Variants in PRKN observed in about 807,000 individuals in gnomAD.
PRKN encodes E3 ubiquitin-protein ligase parkin.
Under a neutral mutation model 59.5 loss-of-function variants are expected in PRKN, and 56 were observed. The ratio of observed to expected loss-of-function variants is 0.94; its 90% CI spans 0.76 to 1.18. The LOEUF is 1.18. PRKN is among the 50% of genes most tolerant of loss of function. The probability of loss-of-function intolerance (pLI) is 0.00; values close to 1 mark genes in which losing one functional copy is unlikely to be tolerated. For missense variants in PRKN, 657 were observed against 596.4 expected, an observed-to-expected ratio of 1.10 and a Z score of -1.06; for synonymous variants, 250 against 222.1, an observed-to-expected ratio of 1.13 and a Z score of -1.12.
At chr6:162,503,016 CTTGTA>C (rs141586531) in intron 1 of PRKN, among the ~76,000 whole-genome samples, 4,578 of 150,574 alleles carry the variant, frequency 0.03, 220 homozygotes, top group African/African-American at 0.11. Context: ...AATAGAATAT[CTTGTA>C]TTGTATTTGG....
chr6:161,867,751 T>TTATG (rs1450984952), intron 6 of PRKN, among the ~76,000 whole-genome samples: 4 of 141,218 alleles, frequency 2.8e-5, no homozygotes, highest in African/African-American at 1.2e-4. Context: ...ATTTATTTAT[T>TTATG]TATTTATTTA....
At chr6:162,599,899 T>C (rs1781634760) in intron 1 of PRKN, among the ~76,000 whole-genome samples, 1 of 152,190 alleles carries the variant, frequency 6.6e-6, no homozygotes, top group Non-Finnish European at 1.5e-5. Context: ...AGTCCTAAAA[T>C]TATTAATTCA....
At chr6:162,165,708 T>G (rs115353549) in intron 4 of PRKN, among the ~76,000 whole-genome samples, 1 of 148,848 alleles carries the variant, frequency 6.7e-6, no homozygotes, top group Non-Finnish European at 1.5e-5. Context: ...TAAATGTTAA[T>G]GCACAACTAT....
rs541128123 is a variant in PRKN at position 162,245,343 on chromosome 6, C to T, written c.412+17182G>A. Among the ~76,000 whole-genome samples, 56 of 152,048 alleles carry T rather than the reference C, an allele frequency of 3.7e-4. 1 individual carries two copies. In the South Asian group the frequency reaches 0.012, roughly 32 times the overall value. On this transcript the variant is annotated intron_variant, in intron 3 of 11. Coordinates refer to ENST00000366898, the MANE Select transcript of PRKN (RefSeq NM_004562.3). ...TTGTATCTAGTCTAGCAATCTTATG[C>T]TAACATCTCTTTATTAAATTGCATA...
chr6:162,292,445 G>A (rs185360199), intron 2 of PRKN, among the ~76,000 whole-genome samples: 1 of 152,242 alleles, frequency 6.6e-6, no homozygotes, highest in African/African-American at 2.4e-5. Context: ...TACAGGCAGA[G>A]GCTCATTGCC....
chr6:162,018,484 T>TAAA (rs1783014331), intron 5 of PRKN, among the ~76,000 whole-genome samples: 1 of 152,192 alleles, frequency 6.6e-6, no homozygotes, highest in African/African-American at 2.4e-5. Context: ...GAGTCTAAAT[T>TAAA]ATCAAATATT....
At position 161,350,046 on chromosome 6, in the gene PRKN, G is replaced by A. The variant is rs935354493; in HGVS notation, c.*53C>T. ...AAAAGAGAATTAGAAAATGAAGGTAGACACTGGGTATGCTCCCCCAGGATG... is the reference window on the plus strand; with the variant it reads ...AAAAGAGAATTAGAAAATGAAGGTAAACACTGGGTATGCTCCCCCAGGATG... On this transcript the variant is annotated 3_prime_UTR_variant, in exon 12 of 12. Transcript: ENST00000366898. The A allele has an allele frequency of 5.5e-5, 60 of 1,081,320 alleles. No homozygotes were observed. The highest frequency in any genetic ancestry group is 2.6e-4 in the Admixed American group (15 of 57,174). 67.0% of individuals were successfully genotyped at this position (1,081,320 alleles called of 1,614,324 possible).
Position 161,569,423 on chromosome 6 carries a change from G to C in PRKN, c.872-7C>G, listed in dbSNP as rs1562531632. 6.2e-7 allele frequency: 1 copy of C among 1,612,564 alleles called. No individual in the cohort carries two copies. Among genetic ancestry groups the C allele is most frequent in the Non-Finnish European group, 8.5e-7 (1 of 1,178,608 alleles). ...AAGGAGTTGGGACAGCCAGCTGTTG[G>C]AAAGAAGAATTAATCACAAAAACGT... On this transcript the variant is annotated splice_region_variant and splice_polypyrimidine_tract_variant and intron_variant, in intron 7 of 11. Transcript: ENST00000366898.
intron 4 of PRKN, among the ~76,000 whole-genome samples, chr6:162,055,982 C>A (rs1371294422): frequency 6.6e-6 from 1 of 150,774 alleles, no homozygotes; most frequent in Non-Finnish European, 1.5e-5. Context: ...GCACATACCA[C>A]ACACACTCAG....
chr6:161,943,350 T>C (rs184470671), intron 6 of PRKN, among the ~76,000 whole-genome samples: 77 of 152,372 alleles, frequency 5.1e-4, no homozygotes, highest in African/African-American at 1.8e-3. Context: ...TGCCAAGCAC[T>C]GGGTTAGAAG....
chr6:161,780,961 C>T (rs1190012785), intron 7 of PRKN, among the ~76,000 whole-genome samples: 1 of 152,166 alleles, frequency 6.6e-6, no homozygotes, highest in East Asian at 1.9e-4. Flanking sequence ...ATAACACATG[C>T]TAAACAATCT....
At chr6:162,424,388 G>A (rs1789120667) in intron 2 of PRKN, among the ~76,000 whole-genome samples, 2 of 152,138 alleles carry the variant, frequency 1.3e-5, no homozygotes, top group African/African-American at 4.8e-5. Context: ...CCCTAATGTA[G>A]AGGACTGGCT....
At chr6:162,555,786 C>T (rs537967930) in intron 1 of PRKN, among the ~76,000 whole-genome samples, 25 of 152,038 alleles carry the variant, frequency 1.6e-4, no homozygotes, top group African/African-American at 4.8e-5. Context: ...AGGTCAGAAG[C>T]TTGAGGCCAG....
intron 2 of PRKN, among the ~76,000 whole-genome samples, chr6:162,280,814 A>C (rs1193525354): frequency 6.6e-6 from 1 of 151,078 alleles, no homozygotes; most frequent in Non-Finnish European, 1.5e-5. Context: ...AAAAAAAAAA[A>C]AAAAGGCTAG....
chr6:161,536,218 A>G (rs566575162), intron 9 of PRKN, among the ~76,000 whole-genome samples: 3 of 152,294 alleles, frequency 2.0e-5, no homozygotes, highest in African/African-American at 7.2e-5. Flanking sequence ...AAGGAAATGT[A>G]TCATATCCCA....
At chr6:161,519,642 A>T (rs1482134715) in intron 9 of PRKN, among the ~76,000 whole-genome samples, 1 of 152,184 alleles carries the variant, frequency 6.6e-6, no homozygotes, top group African/African-American at 2.4e-5. Context: ...AAGCAAAAAG[A>T]TATGAGCTTA....
chr6:161,512,491 A>G (rs1485295710), intron 9 of PRKN, among the ~76,000 whole-genome samples: 1 of 152,238 alleles, frequency 6.6e-6, no homozygotes, highest in African/African-American at 2.4e-5. Flanking sequence ...GGTAGGGATG[A>G]CACCTTTGAC....
intron 3 of PRKN, among the ~76,000 whole-genome samples, chr6:162,252,042 T>C (rs1307020958): frequency 1.3e-5 from 2 of 152,214 alleles, no homozygotes; most frequent in Non-Finnish European, 2.9e-5. Flanking sequence ...CTTGTGAGAA[T>C]TCTAAAATAA....
At chr6:162,575,195 A>G (rs1334200984) in intron 1 of PRKN, among the ~76,000 whole-genome samples, 1 of 152,046 alleles carries the variant, frequency 6.6e-6, no homozygotes, top group East Asian at 1.9e-4. Context: ...ATCTGCATCT[A>G]TCTTCATCTT....
Sources: allele counts gnomAD v4.1 joint callset (sites outside exome capture counted in the v4.1 genomes callset), GRCh38; gene constraint gnomAD v4.1.1; transcripts MANE v1.5; gene names NCBI Gene and HGNC (gene_info 2026-07-23, HGNC 2026-07-21).